The following CAB39 variants were observed in gnomAD, a reference collection of about 807,000 sequenced individuals.
The protein encoded by CAB39 is calcium-binding protein 39.
In CAB39, 8 loss-of-function variants were observed where a neutral mutation model predicts 40.0. The observed-to-expected ratio is 0.20, with a 90% confidence interval of 0.12 to 0.36. The LOEUF (loss-of-function observed/expected upper bound fraction) is 0.36, where lower values mean the gene tolerates loss of function less well. Among genes scored for constraint, CAB39 ranks in the 10% least tolerant of loss-of-function variants. CAB39 has a pLI of 1.00. For missense variants in CAB39, 270 were observed against 401.1 expected (o/e 0.67, Z 2.79); for synonymous variants, 156 against 141.6 (o/e 1.10, Z -0.72).
Position 230,818,983 on chromosome 2 carries a change from A to G in CAB39, c.*279A>G. On this transcript the variant is annotated 3_prime_UTR_variant, in exon 9 of 9. Transcript: ENST00000258418. ...GAACATGGCTGGGTTCATGAAGGCAAATGTATGGATGAGAGTGTGGTTTAG... is the reference window on the plus strand; with the variant it reads ...GAACATGGCTGGGTTCATGAAGGCAGATGTATGGATGAGAGTGTGGTTTAG... 6.1e-6 allele frequency: 2 copies of G among 328,964 alleles called. No individual in the cohort carries two copies. Among genetic ancestry groups the G allele is most frequent in the South Asian group, 6.1e-5 (2 of 33,028 alleles). 20.4% of individuals were successfully genotyped at this position (328,964 alleles called of 1,614,324 possible).
chr2:230,783,462 T>TGTTTA (rs1424340210), intron 2 of CAB39, among the ~76,000 whole-genome samples: 1 of 151,718 alleles, frequency 6.6e-6, no homozygotes, highest in East Asian at 1.9e-4. Flanking sequence ...TGTTTTGTTT[T>TGTTTA]GTTTTGTTTT....
chr2:230,777,066 A>AGTGTGT (rs1395241570), intron 2 of CAB39, among the ~76,000 whole-genome samples: 24 of 152,268 alleles, frequency 1.6e-4, no homozygotes, highest in Non-Finnish European at 3.4e-4. Flanking sequence ...AGTGTGTATG[A>AGTGTGT]GTGTGTGCGA....
At chr2:230,762,679 C>T (rs989449142) in intron 2 of CAB39, among the ~76,000 whole-genome samples, 12 of 152,308 alleles carry the variant, frequency 7.9e-5, no homozygotes, top group African/African-American at 2.9e-4. Context: ...CATCTTTTGT[C>T]TGTGGCTAAA....
intron 2 of CAB39, among the ~76,000 whole-genome samples, chr2:230,787,533 A>G (rs1487450322): frequency 1.3e-5 from 2 of 152,246 alleles, no homozygotes; most frequent in Non-Finnish European, 2.9e-5. Flanking sequence ...GTTTAAGAAT[A>G]ACATTTGGAA....
At position 230,716,327 on chromosome 2, in the gene CAB39, A is replaced by G. The variant is rs566677746; in HGVS notation, c.-44+3097A>G. On this transcript the variant is annotated intron_variant, in intron 1 of 8. Coordinates refer to ENST00000258418, the MANE Select transcript of CAB39 (RefSeq NM_016289.4). Reference sequence around the variant, plus strand: ...ATATTTACTAAAGTTTTCTGTTTTGATCAACTTTTGTGGGATTACAGATTT... The same window carrying G: ...ATATTTACTAAAGTTTTCTGTTTTGGTCAACTTTTGTGGGATTACAGATTT... Among the ~76,000 whole-genome samples the G allele has an allele frequency of 2.6e-5, 4 of 152,268 alleles. 1 individual carries two copies. The South Asian group carries it at 8.3e-4, about 32-fold the overall frequency.
intron 2 of CAB39, among the ~76,000 whole-genome samples, chr2:230,773,314 ATGTGTGTGTGTGTGTGTGTGTG>A (rs71052549): frequency 1.5e-5 from 2 of 132,632 alleles, no homozygotes; most frequent in Non-Finnish European, 3.1e-5. Flanking sequence ...ATATATATAT[ATGTGTGTGTGTGTGTGTGTGTG>A]TGTGTGTGTG....
chr2:230,738,036 C>T (rs368779108), intron 1 of CAB39, among the ~76,000 whole-genome samples: 2 of 152,208 alleles, frequency 1.3e-5, no homozygotes, highest in Non-Finnish European at 1.5e-5. Context: ...TTTTTCTCGC[C>T]TTATCATGCT....
intron 2 of CAB39, among the ~76,000 whole-genome samples, chr2:230,783,063 C>T (rs1042764351): frequency 3.3e-5 from 5 of 151,958 alleles, no homozygotes; most frequent in African/African-American, 7.3e-5. Flanking sequence ...CTCCTGACCT[C>T]GTGATTCGCC....
At chr2:230,767,041 T>G (rs957535321) in intron 2 of CAB39, among the ~76,000 whole-genome samples, 2 of 152,240 alleles carry the variant, frequency 1.3e-5, no homozygotes, top group African/African-American at 4.8e-5. Flanking sequence ...AAGAATTACC[T>G]GGCCTATGTT....
chr2:230,714,219 G>A (rs1694307942), intron 1 of CAB39, among the ~76,000 whole-genome samples: 1 of 152,202 alleles, frequency 6.6e-6, no homozygotes, highest in Admixed American at 6.5e-5. Context: ...AGCATTCTAA[G>A]AGAAACTTAG....
At chr2:230,737,529 C>G (rs1029227598) in intron 1 of CAB39, among the ~76,000 whole-genome samples, 1 of 152,166 alleles carries the variant, frequency 6.6e-6, no homozygotes, top group Non-Finnish European at 1.5e-5. Flanking sequence ...ATTTTTGAGG[C>G]CTGCACGAAA....
intron 1 of CAB39, among the ~76,000 whole-genome samples, chr2:230,733,132 C>T (rs1480456136): frequency 1.3e-5 from 2 of 152,160 alleles, no homozygotes; most frequent in African/African-American, 4.8e-5. Context: ...AAAATAGTCA[C>T]AGATTAGTAG....
At chr2:230,746,223 T>C (rs1694973616) in intron 1 of CAB39, among the ~76,000 whole-genome samples, 1 of 152,348 alleles carries the variant, frequency 6.6e-6, no homozygotes, top group Non-Finnish European at 1.5e-5. Flanking sequence ...GTGTGTAATG[T>C]CACGGCTAGC....
intron 7 of CAB39, among the ~76,000 whole-genome samples, 179 bp downstream of exon 7, chr2:230,814,293 T>G (rs1696360784): frequency 6.6e-6 from 1 of 152,100 alleles, no homozygotes. Flanking sequence ...GTGGAGCACT[T>G]TCCTGCTTCC....
At chr2:230,806,131 TATA>T (rs1352756746) in intron 5 of CAB39, among the ~76,000 whole-genome samples, 1 of 152,096 alleles carries the variant, frequency 6.6e-6, no homozygotes, top group Non-Finnish European at 1.5e-5. Flanking sequence ...AGATACTAAG[TATA>T]ATAATTACTA....
chr2:230,818,393 T>C, intron 8 of CAB39, 123 bp from the exon 9 acceptor site: 1 of 686,170 alleles, frequency 1.5e-6, no homozygotes, highest in Non-Finnish European at 2.4e-6. Flanking sequence ...CAAAACCTAA[T>C]GACCCTGACT....
Position 230,786,163 on chromosome 2 carries a change from C to CAAA in CAB39, c.115-4686_115-4684dup, listed in dbSNP as rs369510604. Among the ~76,000 whole-genome samples the CAAA allele has an allele frequency of 1.3e-3, 98 of 72,658 alleles. 2 individuals are homozygous for CAAA. Among genetic ancestry groups the CAAA allele is most frequent in the African/African-American group, 3.2e-3 (76 of 23,894 alleles). The allele number at this position is 72,658 out of a possible 152,430, so 47.7% of individuals were successfully genotyped here. On this transcript the variant is annotated intron_variant, in intron 2 of 8. Transcript: ENST00000258418. ...TGGGTGACAGAGCAAGACTCTGTCT[C>CAAA]AAAAAAAAAAAAAAAAAAAAAAAAA...
intron 5 of CAB39, among the ~76,000 whole-genome samples, chr2:230,803,293 A>C (rs1310409017): frequency 6.6e-6 from 1 of 152,226 alleles, no homozygotes; most frequent in Non-Finnish European, 1.5e-5. Flanking sequence ...ACCCACAGCC[A>C]ATATCATACT....
chr2:230,804,970 C>T lies in CAB39; in HGVS notation c.568-5293C>T, dbSNP rs1696164372. On this transcript the variant is annotated intron_variant, in intron 5 of 8. Transcript: ENST00000258418. The stretch of plus-strand genomic sequence containing the variant: ...CACGTATATTTACTGTTGCACTATT[C>T]ACAATAGCAAAGACTTGGAACCAAC... 1.3e-5 allele frequency among the ~76,000 whole-genome samples: 2 copies of T among 152,152 alleles called. 1 individual carries two copies. Among genetic ancestry groups the T allele is most frequent in the South Asian group, 4.1e-4 (2 of 4,824 alleles).
Sources: gnomAD v4.1 joint callset for allele counts (sites outside exome capture counted in the v4.1 genomes callset) on GRCh38, gnomAD v4.1.1 for gene constraint, MANE v1.5 for transcripts, NCBI Gene and HGNC (gene_info 2026-07-23, HGNC 2026-07-21) for gene names.